Variants in RNF213 observed in about 807,000 individuals in gnomAD.
RNF213 encodes the protein E3 ubiquitin-protein ligase RNF213.
A neutral mutation model predicts 514.4 loss-of-function variants in RNF213; 341 were observed. The observed-to-expected ratio is 0.66, with a 90% CI of 0.61 to 0.73. The LOEUF (loss-of-function observed/expected upper bound fraction) is 0.73. Among genes scored for constraint, RNF213 ranks in the 30% least tolerant of loss-of-function variants. The pLI, the probability that RNF213 is intolerant of heterozygous loss-of-function variation, is 0.00. For missense variants in RNF213, 5,767 were observed against 6,615.6 expected (o/e 0.87, Z 4.45); for synonymous variants, 2,655 against 2,658.2 (o/e 1.00, Z 0.04).
chr17:80,281,885 C>A (rs1299537741), intron 3 of RNF213, among the ~76,000 whole-genome samples: 1 of 151,016 alleles, frequency 6.6e-6, no homozygotes, highest in African/African-American at 2.5e-5. Flanking sequence ...GAGACGGATT[C>A]TCTCTCTTTT....
intron 36 of RNF213, among the ~76,000 whole-genome samples, chr17:80,355,763 TGAATG>T (rs2078782020): frequency 6.2e-5 from 5 of 80,988 alleles, no homozygotes; most frequent in African/African-American, 2.1e-4. Context: ...AGAAGCGGGG[TGAATG>T]GGAATGGGGG....
chr17:80,353,977 G>A lies in RNF213; in HGVS notation c.10579-42G>A, dbSNP rs990329493. ...GGGCGGTTTGGCTTTTGCCCACTGT[G>A]TCAGTGGCAGAAACGGATGACCCAA... On this transcript the variant is annotated intron_variant, in intron 34 of 67. Coordinates refer to ENST00000582970, the MANE Select transcript of RNF213 (RefSeq NM_001256071.3). The surrounding 1 kb of genome is among the most constrained non-coding windows in gnomAD (Gnocchi z 5.0). 1.2e-6 allele frequency: 2 copies of A among 1,612,436 alleles called. No individual in the cohort carries two copies. Among genetic ancestry groups the A allele is most frequent in the Middle Eastern group, 1.7e-4 (1 of 6,060 alleles).
At chr17:80,270,280 G>A (rs1371767751) in intron 2 of RNF213, among the ~76,000 whole-genome samples, 1 of 152,232 alleles carries the variant, frequency 6.6e-6, no homozygotes, top group African/African-American at 2.4e-5. Context: ...CACTTCCCTT[G>A]TCCTGCTGTT....
chr17:80,346,034 C>T lies in RNF213; in HGVS notation c.7699C>T (p.Arg2567Trp). The change falls in exon 29 of 68, where the codon CGG becomes TGG. Residue 2567 changes from arginine (R) to tryptophan (W), a missense_variant. Transcript: ENST00000582970. This position sits in a 1 kb window ranked among gnomAD's most constrained non-coding sequence, Gnocchi z 8.1. ...GSIPLRQLVY[R>W]VHALPPSLIP... ...CATTCCTCTGAGGCAGCTGGTATAC[C>T]GGGTCCATGCTCTGCCCCCGAGCCT... 2 of 1,614,144 alleles carry T rather than the reference C, an allele frequency of 1.2e-6. No individual in the cohort carries two copies. The highest frequency in any genetic ancestry group is 1.7e-6 in the Non-Finnish European group (2 of 1,180,032).
intron 8 of RNF213, 73 bp downstream of exon 8, chr17:80,291,900 C>G: frequency 2.6e-6 from 4 of 1,521,454 alleles, no homozygotes; most frequent in Non-Finnish European, 2.7e-6. Context: ...CTGGACGCGT[C>G]TCTCTGGAGA....
intron 36 of RNF213, chr17:80,355,361 C>CTTACAGGGGAAGAAGCGGGGTGAAT (rs2078704967): frequency 3.7e-6 from 1 of 273,862 alleles, no homozygotes; most frequent in African/African-American, 3.9e-5. Context: ...GCGGGGTGAA[C>CTTACAGGGGAAGAAGCGGGGTGAAT]GGGAATGGGA....
At position 80,291,767 on chromosome 17, in the gene RNF213, A is replaced by G. The variant is rs1176343423; in HGVS notation, c.1411A>G (p.Lys471Glu). The G allele has an allele frequency of 5.6e-6, 9 of 1,614,208 alleles. No homozygotes were observed. Among genetic ancestry groups the G allele is most frequent in the Middle Eastern group, 1.6e-4 (1 of 6,062 alleles). Residue 471 changes from lysine (K) to glutamate (E), a missense_variant, in exon 8 of 68, where the codon AAG (lysine) becomes GAG (glutamate). By Grantham distance (56) the Lys-to-Glu change is moderately conservative. Around this residue, in one of 13 missense-constraint regions of RNF213, gnomAD observed 592 missense variants for 673.9 expected, o/e 0.88. Transcript: ENST00000582970. ...TGAGTTCATTTACAAGCACCAGCAG[A>G]AGAAGGGCGAGTACGTCAACCGCTG... ...EYEFIYKHQQKKGEYVNRCLF... is the reference protein window; with the variant it reads ...EYEFIYKHQQEKGEYVNRCLF...
At chr17:80,332,825 C>T (rs1472564355) in intron 21 of RNF213, among the ~76,000 whole-genome samples, 194 bp downstream of exon 21, 1 of 152,128 alleles carries the variant, frequency 6.6e-6, no homozygotes, top group Non-Finnish European at 1.5e-5. Context: ...AATAGTACCA[C>T]TGCTCCTTAG....
rs200724769 is a variant in RNF213, at chr17:80,345,401, C to T, written c.7066C>T (p.Leu2356Phe). The T allele has an allele frequency of 1.7e-5, 28 of 1,614,112 alleles. No homozygotes were observed. In the East Asian group the frequency reaches 5.8e-4, roughly 33 times the overall value. ...MTRDLYQGLL[L>F]QRVPFNVDFD... ...CAGGGACCTGTACCAGGGCCTGCTG[C>T]TCCAGAGGGTGCCCTTCAATGTCGA... Residue 2356 changes from leucine (L) to phenylalanine (F), a missense_variant, in exon 29 of 68, where the codon CTC becomes TTC. Physicochemically the swap from Leu to Phe is conservative, Grantham distance 22. Coordinates refer to ENST00000582970, the MANE Select transcript of RNF213 (RefSeq NM_001256071.3). This position sits in a 1 kb window ranked among gnomAD's most constrained non-coding sequence, Gnocchi z 6.0.
intron 36 of RNF213, 118 bp downstream of exon 36, chr17:80,354,694 C>T: frequency 7.7e-7 from 1 of 1,301,948 alleles, no homozygotes; most frequent in Non-Finnish European, 1.1e-6. Context: ...TTCCAAACCT[C>T]TCAGCCATTC....
intron 64 of RNF213, 76 bp from the exon 65 acceptor site, chr17:80,389,097 C>T (rs1226888534): frequency 1.4e-6 from 2 of 1,418,138 alleles, no homozygotes; most frequent in South Asian, 1.2e-5. Flanking sequence ...AGTGAAGGGG[C>T]TCGGCTCTCT....
chr17:80,278,161 G>A (rs1226710328), intron 3 of RNF213, among the ~76,000 whole-genome samples: 3 of 152,198 alleles, frequency 2.0e-5, no homozygotes, highest in Non-Finnish European at 1.5e-5. Flanking sequence ...TGGAGGCATC[G>A]GCAGGCCAGG....
Position 80,262,045 on chromosome 17 carries a change from C to CTGGTCTG in RNF213, c.-109+1148_-109+1154dup, listed in dbSNP as rs1440818816. 5.9e-4 allele frequency among the ~76,000 whole-genome samples: 90 copies of CTGGTCTG among 152,230 alleles called. 1 individual carries two copies. The highest frequency in any genetic ancestry group is 2.1e-3 in the African/African-American group (89 of 41,538). On this transcript the variant is annotated intron_variant, in intron 1 of 67. Coordinates refer to ENST00000582970, the MANE Select transcript of RNF213 (RefSeq NM_001256071.3). ...CTTTTTGGAGGATTTTTCGAGTTTT[C>CTGGTCTG]TGGTCTGTGGTTCCCCAGTGTAGCA...
intron 12 of RNF213, among the ~76,000 whole-genome samples, chr17:80,306,728 T>C (rs1361208666): frequency 6.6e-6 from 1 of 151,946 alleles, no homozygotes; most frequent in Non-Finnish European, 1.5e-5. Flanking sequence ...GGTGGGTACC[T>C]GTAGTCCCAG....
intron 3 of RNF213, among the ~76,000 whole-genome samples, chr17:80,282,508 C>T (rs567871762): frequency 7.0e-4 from 107 of 152,008 alleles, no homozygotes; most frequent in African/African-American, 2.4e-3. Flanking sequence ...ACGCCATTCT[C>T]CTGCCTCAGC....
chr17:80,361,640 G>A lies in RNF213; in HGVS notation c.11201-94G>A, dbSNP rs147673003. The A allele has an allele frequency of 1.1e-4, 156 of 1,414,364 alleles. No homozygotes were observed. The African/African-American group carries it at 1.4e-3, about 12-fold the overall frequency. 87.6% of individuals were successfully genotyped at this position (1,414,364 alleles called of 1,614,324 possible). On this transcript the variant is annotated intron_variant, in intron 38 of 67. Coordinates refer to ENST00000582970, the MANE Select transcript of RNF213 (RefSeq NM_001256071.3). ...TCTACGAGCTCCCATTCAACAAGGC[G>A]TCCCCATTCCCCTTCACTCCGGAGC...
intron 35 of RNF213, 37 bp downstream of exon 35, chr17:80,354,203 C>T (rs748731097): frequency 5.0e-6 from 8 of 1,608,250 alleles, no homozygotes; most frequent in South Asian, 1.1e-5. Context: ...CCTGCCCCCA[C>T]GTGGGCTCTT....
chr17:80,381,609 C>G lies in RNF213; in HGVS notation c.13860C>G (p.Ile4620Met). Residue 4620 changes from isoleucine (I) to methionine (M), a missense_variant, in exon 57 of 68, where the codon ATC (isoleucine) becomes ATG (methionine). Physicochemically the swap from Ile to Met is conservative, Grantham distance 10 (BLOSUM62 1). Coordinates refer to ENST00000582970, the MANE Select transcript of RNF213 (RefSeq NM_001256071.3). ...RDPKGFLQQH[I>M]LKDLEQLAKM... ...CAAAAGGCTTTCTGCAGCAGCACAT[C>G]CTGAAGGACCTGGAGCAGTTGGCCA... 6.2e-7 allele frequency: 1 copy of G among 1,614,222 alleles called. No individual in the cohort carries two copies. The highest frequency in any genetic ancestry group is 8.5e-7 in the Non-Finnish European group (1 of 1,180,038).
chr17:80,276,597 A>T (rs897155793), intron 3 of RNF213, among the ~76,000 whole-genome samples: 3 of 149,462 alleles, frequency 2.0e-5, no homozygotes, highest in Non-Finnish European at 4.5e-5. Context: ...TGACTGTGAG[A>T]TCCTTCCTCA....
Sources: gnomAD v4.1 joint callset for allele counts (sites outside exome capture counted in the v4.1 genomes callset) on GRCh38, gnomAD v4.1.1 for gene constraint, gnomAD v4.1.1 regional missense constraint, Gnocchi (gnomAD v3.1) non-coding constraint, MANE v1.5 for transcripts, NCBI Gene and HGNC (gene_info 2026-07-23, HGNC 2026-07-21) for gene names.